BBX: variants seen among roughly 807,000 people sequenced by gnomAD.
BBX encodes BBX high mobility group box domain containing, also known as HMG box transcription factor BBX.
BBX carries 30 observed loss-of-function variants against 100.2 expected under a neutral mutation model. The observed-to-expected ratio is 0.30, with a 90% confidence interval of 0.22 to 0.41. The LOEUF (loss-of-function observed/expected upper bound fraction) is 0.41. Among genes scored for constraint, BBX ranks in the 10% least tolerant of loss-of-function variants. BBX has a pLI of 1.00. For missense variants in BBX, 1,023 were observed against 1,129.8 expected (o/e 0.91, Z 1.35); for synonymous variants, 376 against 388.1 (o/e 0.97, Z 0.37).
At chr3:107,529,581 C>T (rs895526137) in intron 2 of BBX, among the ~76,000 whole-genome samples, 4 of 152,212 alleles carry the variant, frequency 2.6e-5, no homozygotes, top group Admixed American at 6.5e-5. Flanking sequence ...CTGTGACTGT[C>T]ATTCAGTCAC....
At chr3:107,548,436 AACATCTGGGAGAGATGTTTTTGGGAG>A (rs1222352694) in intron 2 of BBX, among the ~76,000 whole-genome samples, 1 of 152,184 alleles carries the variant, frequency 6.6e-6, no homozygotes, top group Non-Finnish European at 1.5e-5. Flanking sequence ...AGATGCAGAA[AACATCTGGGAGAGATGTTTTTGGGAG>A]ATGTTTTGGG....
At chr3:107,726,505 G>C (rs931051436) in intron 5 of BBX, among the ~76,000 whole-genome samples, 10 of 151,960 alleles carry the variant, frequency 6.6e-5, no homozygotes, top group African/African-American at 2.4e-4. Flanking sequence ...CATCTACATT[G>C]AGTTTAAGAA....
intron 3 of BBX, among the ~76,000 whole-genome samples, chr3:107,680,414 T>G (rs2059509963): frequency 6.6e-6 from 1 of 152,138 alleles, no homozygotes; most frequent in African/African-American, 2.4e-5. Flanking sequence ...TAAGTGGTAG[T>G]AGACATGCAG....
chr3:107,644,639 C>T (rs1211464805), intron 2 of BBX, among the ~76,000 whole-genome samples: 3 of 152,060 alleles, frequency 2.0e-5, no homozygotes, highest in Non-Finnish European at 4.4e-5. Context: ...GTAGTAAAAG[C>T]GTAGACGTTT....
intron 2 of BBX, among the ~76,000 whole-genome samples, chr3:107,544,712 A>G (rs138710500): frequency 2.4e-3 from 366 of 152,082 alleles, no homozygotes; most frequent in Non-Finnish European, 2.6e-3. Context: ...CTCTATAAGA[A>G]ATAAAAAATT....
chr3:107,730,194 A>G (rs2063219889), intron 6 of BBX, among the ~76,000 whole-genome samples: 1 of 152,196 alleles, frequency 6.6e-6, no homozygotes, highest in South Asian at 2.1e-4. Flanking sequence ...TCCCAAAATG[A>G]TGCTTCTACA....
At chr3:107,713,810 A>G (rs2061890615) in intron 4 of BBX, among the ~76,000 whole-genome samples, 2 of 152,026 alleles carry the variant, frequency 1.3e-5, no homozygotes, top group South Asian at 2.1e-4. Context: ...TCTCTTTTAC[A>G]TACCAGTGTT....
intron 3 of BBX, among the ~76,000 whole-genome samples, chr3:107,650,755 G>T (rs1298333370): frequency 1.3e-5 from 2 of 152,064 alleles, no homozygotes; most frequent in African/African-American, 4.8e-5. Flanking sequence ...TATAAACTCT[G>T]CATCTTTAGA....
At chr3:107,743,918 G>GTTTTTTTTTTTTTTTTTTTTTTTATTTT (rs2064329053) in intron 7 of BBX, among the ~76,000 whole-genome samples, 1 of 56,622 alleles carries the variant, frequency 1.8e-5, no homozygotes, top group Non-Finnish European at 3.1e-5. Context: ...TGTTTTAGTG[G>GTTTTTTTTTTTTTTTTTTTTTTTATTTT]TTTTTTTTTT....
At chr3:107,755,176 G>C (rs558542685) in intron 9 of BBX, among the ~76,000 whole-genome samples, 1 of 152,228 alleles carries the variant, frequency 6.6e-6, no homozygotes, top group South Asian at 2.1e-4. Flanking sequence ...AACAAAATTT[G>C]TTGACTGACT....
At chr3:107,695,628 T>C (rs1245036886) in intron 3 of BBX, among the ~76,000 whole-genome samples, 1 of 151,584 alleles carries the variant, frequency 6.6e-6, no homozygotes, top group Admixed American at 6.6e-5. Flanking sequence ...ATGTGATCAA[T>C]TTTGGAATAG....
intron 2 of BBX, among the ~76,000 whole-genome samples, chr3:107,558,113 G>C (rs1213090282): frequency 6.6e-6 from 1 of 152,212 alleles, no homozygotes; most frequent in Non-Finnish European, 1.5e-5. Flanking sequence ...CAAAGATGTG[G>C]GTTCTGCTAA....
At chr3:107,607,166 G>A (rs1472412279) in intron 2 of BBX, among the ~76,000 whole-genome samples, 5 of 151,752 alleles carry the variant, frequency 3.3e-5, no homozygotes, top group African/African-American at 7.3e-5. Flanking sequence ...GCACTGTGTC[G>A]GCTCACTGCA....
chr3:107,651,316 C>T (rs920549871), intron 3 of BBX, among the ~76,000 whole-genome samples: 1 of 152,074 alleles, frequency 6.6e-6, no homozygotes. Flanking sequence ...AGGAGGGAGA[C>T]GTTTGAAATT....
At chr3:107,695,889 G>C (rs1357691318) in intron 3 of BBX, among the ~76,000 whole-genome samples, 3 of 151,808 alleles carry the variant, frequency 2.0e-5, no homozygotes, top group Non-Finnish European at 4.4e-5. Flanking sequence ...CCTGTGTTGG[G>C]TGCATATATA....
chr3:107,614,242 G>T (rs566974627), intron 2 of BBX, among the ~76,000 whole-genome samples: 2 of 151,988 alleles, frequency 1.3e-5, no homozygotes. Flanking sequence ...GAGCCACCGT[G>T]CCCTGCCCAT....
At chr3:107,718,971 A>G (rs1204068874) in intron 5 of BBX, among the ~76,000 whole-genome samples, 1 of 152,036 alleles carries the variant, frequency 6.6e-6, no homozygotes, top group Non-Finnish European at 1.5e-5. Context: ...TACTTGTTTC[A>G]TCTTACTTTC....
intron 10 of BBX, among the ~76,000 whole-genome samples, chr3:107,768,939 C>T (rs1293186478): frequency 7.1e-6 from 1 of 140,262 alleles, no homozygotes; most frequent in Non-Finnish European, 1.5e-5. Flanking sequence ...AGGAGGATCG[C>T]TTGAGGCCAG....
At position 107,789,858 on chromosome 3, in the gene BBX, C is replaced by G. The variant is rs765641732; in HGVS notation, c.2275C>G (p.Pro759Ala). Residue 759 changes from proline to alanine, a missense_variant, in exon 14 of 18, where the codon CCC becomes GCC. By Grantham distance (27) the Pro-to-Ala change is conservative. Around this residue, in one of 9 missense-constraint regions of BBX, gnomAD observed 215 missense variants for 211.3 expected, o/e 1.02. Coordinates refer to ENST00000325805, the MANE Select transcript of BBX (RefSeq NM_001142568.3). ...CAAATATAAGCACAAAAAGGAGAAG[C>G]CCAATGTTCCGGAAAAAGGTATTGG... Reference protein sequence around the residue: ...VSKYKHKKEKPNVPEKGSGDK... With the variant: ...VSKYKHKKEKANVPEKGSGDK... The G allele has an allele frequency of 6.5e-7, 1 of 1,549,574 alleles. No homozygotes were observed. The highest frequency in any genetic ancestry group is 1.2e-5 in the South Asian group (1 of 83,838).
Sources: allele counts gnomAD v4.1 joint callset (sites outside exome capture counted in the v4.1 genomes callset), GRCh38; gene constraint gnomAD v4.1.1; regional missense constraint gnomAD v4.1.1; transcripts MANE v1.5; gene names NCBI Gene and HGNC (gene_info 2026-07-23, HGNC 2026-07-21).